PARG: variants seen among roughly 807,000 people sequenced by gnomAD.
PARG encodes mitochondrial poly(ADP-ribose) glycohydrolase.
In PARG, 35 loss-of-function variants were observed where a neutral mutation model predicts 113.0. The ratio of observed to expected loss-of-function variants is 0.31; its 90% CI spans 0.24 to 0.41. PARG has a LOEUF of 0.41. Among genes scored for constraint, PARG ranks in the 10% least tolerant of loss-of-function variants. The pLI, the probability that PARG is intolerant of heterozygous loss-of-function variation, is 1.00. For missense variants in PARG, 797 were observed against 1,169.4 expected (o/e 0.68, Z 4.64); for synonymous variants, 330 against 409.9 (o/e 0.81, Z 2.36).
chr10:49,885,139 C>G, intron 8 of PARG, 64 bp downstream of exon 8: 1 of 865,432 alleles, frequency 1.2e-6, no homozygotes, highest in Non-Finnish European at 2.0e-6. Flanking sequence ...CCTGGCCATT[C>G]GAGTTTAAGG....
chr10:49,889,593 C>T (rs1346878800), intron 7 of PARG, among the ~76,000 whole-genome samples: 2 of 152,186 alleles, frequency 1.3e-5, no homozygotes, highest in Non-Finnish European at 2.9e-5. Flanking sequence ...GTTTGTTTTA[C>T]ATACAAGGTC....
chr10:49,880,064 GAGAATATAAA>G (rs1473463434), intron 8 of PARG, among the ~76,000 whole-genome samples: 2 of 151,242 alleles, frequency 1.3e-5, no homozygotes, highest in East Asian at 3.9e-4. Context: ...TGATAGTGAA[GAGAATATAAA>G]ACATTACTTA....
At chr10:49,869,357 G>A (rs1846679701) in intron 10 of PARG, 119 bp downstream of exon 10, 1 of 672,960 alleles carries the variant, frequency 1.5e-6, no homozygotes, top group African/African-American at 1.8e-5. Context: ...CATTACTAGT[G>A]TTTCAATGTG....
intron 7 of PARG, among the ~76,000 whole-genome samples, chr10:49,901,944 T>C (rs1588964860): frequency 6.6e-6 from 1 of 152,190 alleles, no homozygotes; most frequent in African/African-American, 2.4e-5. Context: ...ATCTGTGCTG[T>C]CCAGGATGGC....
At chr10:49,883,172 CAAG>C (rs1847296534) in intron 8 of PARG, among the ~76,000 whole-genome samples, 1 of 152,196 alleles carries the variant, frequency 6.6e-6, no homozygotes, top group Admixed American at 6.5e-5. Context: ...TGGCATAGTC[CAAG>C]AAGGCATTTG....
intron 6 of PARG, among the ~76,000 whole-genome samples, chr10:49,920,479 T>TATATAG (rs1564658368): frequency 2.0e-5 from 2 of 98,206 alleles, no homozygotes; most frequent in Non-Finnish European, 4.5e-5. Flanking sequence ...TATATATATA[T>TATATAG]ATATATATAT....
chr10:49,867,825 A>G (rs1200018379), intron 10 of PARG, among the ~76,000 whole-genome samples: 1 of 151,950 alleles, frequency 6.6e-6, no homozygotes, highest in Non-Finnish European at 1.5e-5. Flanking sequence ...GTTAGTTTTT[A>G]GAGAAGACAT....
intron 3 of PARG, among the ~76,000 whole-genome samples, chr10:49,932,906 G>C (rs1169933620): frequency 6.6e-6 from 1 of 151,184 alleles, no homozygotes; most frequent in Non-Finnish European, 1.5e-5. Flanking sequence ...TATCAACCTA[G>C]TATTTTCATG....
In PARG at chr10:49,890,857, A is replaced by T. The variant is rs540917823; in HGVS notation, c.1738-5562T>A. Among the ~76,000 whole-genome samples the T allele has an allele frequency of 2.8e-3, 428 of 152,398 alleles. 3 individuals carry two copies. Among genetic ancestry groups the T allele is most frequent in the Non-Finnish European group, 5.1e-3 (349 of 68,040 alleles). On this transcript the variant is annotated intron_variant, in intron 7 of 17. Coordinates refer to ENST00000616448, the MANE Select transcript of PARG (RefSeq NM_003631.5). ...TTTATGAAAGACATATTTATACATG[A>T]CTAAGTACTATACCTGACATATGGA... is the stretch of plus-strand genomic sequence containing the variant.
Position 49,818,810 on chromosome 10 carries a change from T to C in PARG, c.*530A>G, listed in dbSNP as rs76276169. ...ATTTTAACCTAGGAGGTTTGCATTA[T>C]GCAACACATATGAAAAAAACCCTAA... On this transcript the variant is annotated 3_prime_UTR_variant, in exon 18 of 18. Transcript: ENST00000616448. 9,756 of 152,456 alleles carry C rather than the reference T, an allele frequency of 0.064. 434 individuals carry two copies. The highest frequency in any genetic ancestry group is 0.1 in the African/African-American group (4,288 of 41,548). 9.4% of individuals were successfully genotyped at this position (152,456 alleles called of 1,614,324 possible).
chr10:49,881,556 A>G (rs1441638683), intron 8 of PARG, among the ~76,000 whole-genome samples: 2 of 152,130 alleles, frequency 1.3e-5, no homozygotes, highest in African/African-American at 4.8e-5. Context: ...TCATCTCAAA[A>G]TGGCATGCCT....
intron 16 of PARG, among the ~76,000 whole-genome samples, chr10:49,832,146 T>C (rs1215292396): frequency 6.6e-6 from 1 of 152,236 alleles, no homozygotes; most frequent in East Asian, 1.9e-4. Context: ...GCCAATAGCT[T>C]TGTTGATCGG....
intron 4 of PARG, among the ~76,000 whole-genome samples, chr10:49,926,875 T>C (rs566749288): frequency 2.5e-4 from 38 of 152,358 alleles, no homozygotes; most frequent in African/African-American, 8.2e-4. Context: ...TTTTAAGCAA[T>C]AGCTATCTTA....
Position 49,934,126 on chromosome 10 carries a change from A to C in PARG, c.322T>G (p.Ser108Ala). The C allele has an allele frequency of 2.6e-6, 3 of 1,147,510 alleles. No individual in the cohort carries two copies. Among genetic ancestry groups the C allele is most frequent in the Non-Finnish European group, 2.7e-6 (2 of 754,048 alleles). 71.1% of individuals were successfully genotyped at this position (1,147,510 alleles called of 1,614,324 possible). ...TCTTTTTGTACAGAACTCATCATGG[A>C]TTCTATTCTTGTATTGTTGTTTTCT... ...SKENNNTRIE[S>A]MMSSVQKDNF... Residue 108 changes from serine to alanine, a missense_variant, in exon 3 of 18, where the codon TCC becomes GCC. Coordinates refer to ENST00000616448, the MANE Select transcript of PARG (RefSeq NM_003631.5).
At chr10:49,854,391 A>T (rs1400498023) in intron 13 of PARG, among the ~76,000 whole-genome samples, 1 of 152,198 alleles carries the variant, frequency 6.6e-6, no homozygotes, top group African/African-American at 2.4e-5. Context: ...TTTAACACTG[A>T]AACTTCTTGA....
chr10:49,934,298 A>G lies in PARG; in HGVS notation c.285-135T>C, dbSNP rs1191105199. 4.4e-5 allele frequency: 27 copies of G among 606,968 alleles called. No homozygotes were observed. In the African/African-American group the frequency reaches 5.0e-4, roughly 11 times the overall value. 37.6% of individuals were successfully genotyped at this position (606,968 alleles called of 1,614,324 possible). On this transcript the variant is annotated intron_variant, in intron 2 of 17. Coordinates refer to ENST00000616448, the MANE Select transcript of PARG (RefSeq NM_003631.5). Reference sequence around the variant, plus strand: ...CACACAGCATGTCTTCTATGACTCCATGTCTTTGTATGTGATCCCTAATGC... The same window carrying G: ...CACACAGCATGTCTTCTATGACTCCGTGTCTTTGTATGTGATCCCTAATGC...
intron 16 of PARG, 103 bp downstream of exon 16, chr10:49,832,700 T>C (rs183606461): frequency 3.8e-5 from 22 of 583,674 alleles, no homozygotes; most frequent in Admixed American, 3.0e-4. Flanking sequence ...TCCTTTTCTC[T>C]TAGATTTTTG....
intron 7 of PARG, among the ~76,000 whole-genome samples, chr10:49,895,777 T>C (rs1554842624): frequency 6.6e-6 from 1 of 152,192 alleles, no homozygotes; most frequent in African/African-American, 2.4e-5. Flanking sequence ...ATTCAGGTTT[T>C]CTTCAATTTC....
chr10:49,906,463 A>C (rs1249502746), intron 7 of PARG, among the ~76,000 whole-genome samples: 3 of 152,160 alleles, frequency 2.0e-5, no homozygotes, highest in Middle Eastern at 3.4e-3. Flanking sequence ...CAATTGACCT[A>C]ATGTTTGGGT....
Sources: allele counts gnomAD v4.1 joint callset (sites outside exome capture counted in the v4.1 genomes callset), GRCh38; gene constraint gnomAD v4.1.1; transcripts MANE v1.5; gene names NCBI Gene and HGNC (gene_info 2026-07-23, HGNC 2026-07-21).